Variants in GPHN observed in about 807,000 individuals in gnomAD.
The protein encoded by GPHN is gephyrin.
A neutral mutation model predicts 95.5 loss-of-function variants in GPHN; 17 were observed. The observed-to-expected ratio is 0.18, with a 90% confidence interval of 0.12 to 0.27. The LOEUF (loss-of-function observed/expected upper bound fraction) is 0.27. Among genes scored for constraint, GPHN ranks in the 10% least tolerant of loss-of-function variants. The pLI, the probability that GPHN is intolerant of heterozygous loss-of-function variation, is 1.00. For missense variants in GPHN, 660 were observed against 978.1 expected (o/e 0.67, Z 4.34); for synonymous variants, 320 against 322.5 (o/e 0.99, Z 0.08).
At chr14:67,563,441 T>G in the GPHN span, among the ~76,000 whole-genome samples, 143 of 141,618 alleles carry the variant, frequency 1.0e-3, no homozygotes, top group African/African-American at 3.5e-3. Context: ...TTTTGGGGGG[T>G]GGGGGTGAGG....
chr14:66,517,556 A>G (rs920915589), intron 1 of GPHN, among the ~76,000 whole-genome samples: 1 of 152,278 alleles, frequency 6.6e-6, no homozygotes, highest in Non-Finnish European at 1.5e-5. Context: ...ACAGAGTGAT[A>G]GTAACCAAAA....
chr14:67,695,851 G>C, the GPHN span: 4 of 686,850 alleles, frequency 5.8e-6, no homozygotes, highest in Non-Finnish European at 9.8e-6. Context: ...GACAGCCTCA[G>C]GCTGGCTACG....
At chr14:66,984,549 A>G (rs949716286) in intron 9 of GPHN, among the ~76,000 whole-genome samples, 9 of 152,218 alleles carry the variant, frequency 5.9e-5, no homozygotes, top group African/African-American at 2.2e-4. Context: ...CATTTTCTCA[A>G]TATGATTATT....
intron 2 of GPHN, among the ~76,000 whole-genome samples, chr14:66,700,182 A>T (rs1184282316): frequency 6.6e-6 from 1 of 152,218 alleles, no homozygotes; most frequent in Non-Finnish European, 1.5e-5. Context: ...AAAAATTGGT[A>T]TCAGTAAAAT....
At chr14:67,350,773 C>T in the GPHN span, 1 of 1,320,920 alleles carries the variant, frequency 7.6e-7, no homozygotes, top group South Asian at 1.3e-5. Flanking sequence ...CTTTAATAAC[C>T]ATCAGTATTT....
intron 10 of GPHN, among the ~76,000 whole-genome samples, chr14:67,039,082 T>C (rs968566914): frequency 9.8e-5 from 15 of 152,340 alleles, no homozygotes; most frequent in Non-Finnish European, 2.2e-4. Flanking sequence ...ACTTTTCTAC[T>C]GAAAATCTTG....
chr14:67,611,520 G>T, the GPHN span, among the ~76,000 whole-genome samples: 1 of 152,106 alleles, frequency 6.6e-6, no homozygotes, highest in Non-Finnish European at 1.5e-5. Flanking sequence ...ACCTGCCTCA[G>T]CCTCCCAAAG....
chr14:67,023,675 A>G lies in GPHN; in HGVS notation c.1006A>G (p.Ser336Gly). 1 of 1,612,204 alleles carries G rather than the reference A, an allele frequency of 6.2e-7. No individual in the cohort carries two copies. Among genetic ancestry groups the G allele is most frequent in the South Asian group, 1.1e-5 (1 of 91,040 alleles). The change falls in exon 10 of 23, where the codon AGT becomes GGT. Residue 336 changes from serine (S) to glycine (G), a missense_variant and splice_region_variant. By Grantham distance (56) the Ser-to-Gly change is moderately conservative. Around this residue, in one of 6 missense-constraint regions of GPHN, gnomAD observed 190 missense variants for 224.7 expected, o/e 0.85. Coordinates refer to ENST00000478722, the MANE Select transcript of GPHN (RefSeq NM_020806.5). ...CSSKENILRA[S>G]HSAVDITKVA... ...CAGCAAGGAGAACATTCTCAGAGCCAGTAAGTATTTTACCATTTCTGGTGG... is the reference window on the plus strand; with the variant it reads ...CAGCAAGGAGAACATTCTCAGAGCCGGTAAGTATTTTACCATTTCTGGTGG...
chr14:67,725,366 A>G, the GPHN span: 7 of 1,112,260 alleles, frequency 6.3e-6, no homozygotes, highest in South Asian at 3.9e-5. Context: ...CCCACTAGAC[A>G]GGTTCTGCCA....
At chr14:66,685,921 G>C (rs1266687195) in intron 2 of GPHN, among the ~76,000 whole-genome samples, 1 of 152,166 alleles carries the variant, frequency 6.6e-6, no homozygotes, top group Admixed American at 6.5e-5. Flanking sequence ...ATTAATTTTT[G>C]TATAAGGTGT....
chr14:67,570,165 G>A, the GPHN span: 27 of 254,554 alleles, frequency 1.1e-4, no homozygotes, highest in Admixed American at 1.2e-3. Flanking sequence ...TTGTTTTATT[G>A]TTTATTAGGT....
chr14:67,647,414 T>G, the GPHN span: 1 of 166,292 alleles, frequency 6.0e-6, no homozygotes, highest in East Asian at 1.8e-4. Context: ...CAAATGGTAA[T>G]TTTAAGAGCA....
chr14:67,003,978 A>G (rs1008164941), intron 9 of GPHN, among the ~76,000 whole-genome samples: 1 of 151,626 alleles, frequency 6.6e-6, no homozygotes, highest in African/African-American at 2.4e-5. Context: ...CTATAATTGC[A>G]TTTCTCTTTG....
chr14:67,221,561 C>T, the GPHN span, among the ~76,000 whole-genome samples: 15 of 152,172 alleles, frequency 9.9e-5, no homozygotes, highest in Admixed American at 2.6e-4. Context: ...TAAACTTTTA[C>T]GGCTTTTACA....
chr14:67,289,202 G>C, the GPHN span, among the ~76,000 whole-genome samples: 1 of 151,594 alleles, frequency 6.6e-6, no homozygotes, highest in East Asian at 1.9e-4. Context: ...TCCTGACTTC[G>C]TGTGATCCAC....
At chr14:66,873,459 G>A (rs1275316219) in intron 4 of GPHN, among the ~76,000 whole-genome samples, 2 of 152,162 alleles carry the variant, frequency 1.3e-5, no homozygotes, top group Non-Finnish European at 2.9e-5. Context: ...GAGCAAATTG[G>A]TCTAACTCAG....
the GPHN span, among the ~76,000 whole-genome samples, chr14:67,603,275 T>C: frequency 6.6e-6 from 1 of 152,176 alleles, no homozygotes; most frequent in Non-Finnish European, 1.5e-5. Flanking sequence ...TCACTATGTT[T>C]CCCAGGCTAT....
the GPHN span, chr14:67,589,292 C>G: frequency 2.1e-6 from 2 of 950,946 alleles, no homozygotes; most frequent in African/African-American, 3.5e-5. Context: ...ACAGAAGAAA[C>G]TAACTTAGAA....
chr14:67,141,030 A>G (rs1047825411), intron 17 of GPHN, among the ~76,000 whole-genome samples: 2 of 152,078 alleles, frequency 1.3e-5, no homozygotes, highest in Non-Finnish European at 2.9e-5. Flanking sequence ...ACCTTCAGTT[A>G]ATACCTGGGC....
Sources: gnomAD v4.1 joint callset for allele counts (sites outside exome capture counted in the v4.1 genomes callset) on GRCh38, gnomAD v4.1.1 for gene constraint, gnomAD v4.1.1 regional missense constraint, MANE v1.5 for transcripts, NCBI Gene and HGNC (gene_info 2026-07-23, HGNC 2026-07-21) for gene names.